Variants in TENM2 observed in about 807,000 individuals in gnomAD.
TENM2 encodes the protein teneurin-2.
A neutral mutation model predicts 245.2 loss-of-function variants in TENM2; 52 were observed. The ratio of observed to expected loss-of-function variants is 0.21; its 90% CI spans 0.17 to 0.27. The LOEUF (loss-of-function observed/expected upper bound fraction) is 0.27, where lower values mean the gene tolerates loss of function less well. Ranked by LOEUF, TENM2 falls within the 10% of genes least tolerant of loss-of-function variation. The probability of loss-of-function intolerance (pLI) is 1.00; values close to 1 mark genes in which losing one functional copy is unlikely to be tolerated. For synonymous variants in TENM2, 1,363 were observed against 1,438.9 expected (o/e 0.95, Z 1.19); for missense variants, 3,046 against 3,666.8 (o/e 0.83, Z 4.37).
chr5:167,474,735 T>G (rs1419779537), intron 2 of TENM2, among the ~76,000 whole-genome samples: 7 of 152,112 alleles, frequency 4.6e-5, no homozygotes, highest in Non-Finnish European at 7.4e-5. Flanking sequence ...AGGCTGGTCT[T>G]GAACTCCTGA....
At chr5:167,160,870 T>G in the TENM2 span, among the ~76,000 whole-genome samples, 1 of 152,312 alleles carries the variant, frequency 6.6e-6, no homozygotes, top group Admixed American at 6.5e-5. Context: ...TTGGTTGGAA[T>G]GTAAAATTGG....
chr5:167,599,285 A>G (rs888916124), intron 2 of TENM2, among the ~76,000 whole-genome samples: 1 of 152,192 alleles, frequency 6.6e-6, no homozygotes, highest in Admixed American at 6.5e-5. Flanking sequence ...GGGTAGAACA[A>G]TCCTCTTAAA....
chr5:167,006,712 G>T, the TENM2 span, among the ~76,000 whole-genome samples: 1 of 151,490 alleles, frequency 6.6e-6, no homozygotes, highest in South Asian at 2.1e-4. Flanking sequence ...TGTTGCCCAG[G>T]TTGGTGTGCA....
At chr5:167,456,473 TACACAC>T (rs761331287) in intron 2 of TENM2, among the ~76,000 whole-genome samples, 1 of 151,252 alleles carries the variant, frequency 6.6e-6, no homozygotes, top group Non-Finnish European at 1.5e-5. Flanking sequence ...TTGCTATGAA[TACACAC>T]ACACACACAC....
intron 15 of TENM2, among the ~76,000 whole-genome samples, 198 bp from the exon 18 acceptor site, chr5:168,198,655 A>T (rs977469692): frequency 1.3e-5 from 2 of 152,140 alleles, no homozygotes; most frequent in African/African-American, 4.8e-5. Flanking sequence ...TTGGGCTGAG[A>T]GAGGGTTAGT....
At chr5:167,029,021 A>G in the TENM2 span, among the ~76,000 whole-genome samples, 1 of 152,192 alleles carries the variant, frequency 6.6e-6, no homozygotes, top group Non-Finnish European at 1.5e-5. Flanking sequence ...AGCTCTGAAA[A>G]GCATTAAACT....
rs116275275 is a variant in TENM2, at chr5:167,642,665, G to A, written c.503-233321G>A. On this transcript the variant is annotated intron_variant, in intron 2 of 28. Transcript: ENST00000518659. The stretch of plus-strand genomic sequence containing the variant: ...TCATAGCAGAGCTTAAAAGACTTAA[G>A]AGAGAAAGAAAAAGTGTAGTAGAAT... Among the ~76,000 whole-genome samples the A allele has an allele frequency of 2.9e-3, 448 of 152,294 alleles. 3 individuals are homozygous for A. Among genetic ancestry groups the A allele is most frequent in the African/African-American group, 0.01 (422 of 41,550 alleles).
chr5:167,793,221 T>C (rs1432462534), intron 2 of TENM2, among the ~76,000 whole-genome samples: 1 of 152,166 alleles, frequency 6.6e-6, no homozygotes, highest in East Asian at 1.9e-4. Flanking sequence ...AAATCTGAAC[T>C]CCACTACTTC....
chr5:167,698,693 T>G (rs1224822991), intron 2 of TENM2, among the ~76,000 whole-genome samples: 12 of 146,190 alleles, frequency 8.2e-5, no homozygotes, highest in South Asian at 2.2e-4. Context: ...TTTTTTTTTT[T>G]TTTTTTTTGA....
At chr5:167,367,287 A>C (rs1760116737) in intron 1 of TENM2, among the ~76,000 whole-genome samples, 1 of 152,196 alleles carries the variant, frequency 6.6e-6, no homozygotes, top group African/African-American at 2.4e-5. Context: ...GATTAAAATA[A>C]TGAGTCTAAA....
intron 13 of TENM2, among the ~76,000 whole-genome samples, chr5:168,181,063 A>T (rs973739017): frequency 6.6e-6 from 1 of 152,242 alleles, no homozygotes; most frequent in East Asian, 1.9e-4. Flanking sequence ...TACGGTGCTC[A>T]GAGCAACAAC....
At chr5:167,707,071 TTGTTTTCTTC>T (rs1454023986) in intron 2 of TENM2, among the ~76,000 whole-genome samples, 4 of 149,550 alleles carry the variant, frequency 2.7e-5, no homozygotes, top group East Asian at 4.0e-4. Context: ...TCCTCAAAAC[TTGTTTTCTTC>T]TGTTTTCTTC....
intron 4 of TENM2, among the ~76,000 whole-genome samples, chr5:167,977,015 G>A (rs945744878): frequency 7.2e-5 from 11 of 152,130 alleles, no homozygotes; most frequent in Admixed American, 6.6e-4. Context: ...GTCTTTTGTG[G>A]GAACATGGAT....
Position 167,629,698 on chromosome 5 carries a change from T to G in TENM2, c.503-246288T>G, listed in dbSNP as rs115175357. Reference sequence around the variant, plus strand: ...CCTTGTAGTGTCCAGTAAATACATATGTTTGGTTTTCTCAGTGTTATAGAG... The same window carrying G: ...CCTTGTAGTGTCCAGTAAATACATAGGTTTGGTTTTCTCAGTGTTATAGAG... On this transcript the variant is annotated intron_variant, in intron 2 of 28. Transcript: ENST00000518659. 9.8e-3 allele frequency among the ~76,000 whole-genome samples: 1,490 copies of G among 152,272 alleles called. 27 individuals are homozygous for G. Among genetic ancestry groups the G allele is most frequent in the African/African-American group, 0.034 (1,412 of 41,546 alleles).
At chr5:167,736,975 C>T (rs761530322) in intron 2 of TENM2, among the ~76,000 whole-genome samples, 76 of 152,324 alleles carry the variant, frequency 5.0e-4, no homozygotes, top group African/African-American at 1.3e-3. Context: ...AGTCTCCCTA[C>T]TGAATGGCAG....
At chr5:167,946,283 A>G (rs1779615383) in intron 3 of TENM2, among the ~76,000 whole-genome samples, 2 of 152,080 alleles carry the variant, frequency 1.3e-5, no homozygotes, top group African/African-American at 4.8e-5. Context: ...ACAAGCTGGG[A>G]TGGAGTGTGC....
intron 2 of TENM2, among the ~76,000 whole-genome samples, chr5:167,865,102 C>A (rs1404674982): frequency 6.6e-6 from 1 of 152,180 alleles, no homozygotes; most frequent in Non-Finnish European, 1.5e-5. Context: ...CTCAATGTAT[C>A]TTCTGCATAT....
Position 168,108,280 on chromosome 5 carries a change from G to T in TENM2, c.1814-10012G>T, listed in dbSNP as rs7708268. Among the ~76,000 whole-genome samples, 987 of 152,306 alleles carry T rather than the reference G, an allele frequency of 6.5e-3. 6 individuals are homozygous for T. Among genetic ancestry groups the T allele is most frequent in the African/African-American group, 0.023 (947 of 41,574 alleles). On this transcript the variant is annotated intron_variant, in intron 9 of 28. Transcript: ENST00000518659. The stretch of plus-strand genomic sequence containing the variant: ...AAATGCCATTTATTCCACAATTTAC[G>T]TGCATTATGTCATAATAGCCAAGTG...
At chr5:168,178,906 G>T (rs778879993) in intron 13 of TENM2, among the ~76,000 whole-genome samples, 1 of 152,022 alleles carries the variant, frequency 6.6e-6, no homozygotes, top group Non-Finnish European at 1.5e-5. Context: ...AGGCCGAGGC[G>T]GATGGATCAC....
Sources: gnomAD v4.1 joint callset for allele counts (sites outside exome capture counted in the v4.1 genomes callset) on GRCh38, gnomAD v4.1.1 for gene constraint, MANE v1.5 for transcripts, NCBI Gene and HGNC (gene_info 2026-07-23, HGNC 2026-07-21) for gene names.